The following SLC8A3 variants were observed in gnomAD, a reference collection of about 807,000 sequenced individuals.
The protein encoded by SLC8A3 is solute carrier family 8 member A3.
In SLC8A3, 37 loss-of-function variants were observed where a neutral mutation model predicts 65.4. That is an observed-to-expected ratio of 0.57 (90% confidence interval 0.44 to 0.74). The LOEUF (loss-of-function observed/expected upper bound fraction) is 0.74, where lower values mean the gene tolerates loss of function less well. Ranked by LOEUF, SLC8A3 falls within the 30% of genes least tolerant of loss-of-function variation. SLC8A3 has a pLI of 0.00. For synonymous variants in SLC8A3, 461 were observed against 444.5 expected, an observed-to-expected ratio of 1.04 and a Z score of -0.47; for missense variants, 1,112 against 1,172.1, an observed-to-expected ratio of 0.95 and a Z score of 0.75.
At chr14:70,098,436 A>G (rs1388394342) in intron 2 of SLC8A3, among the ~76,000 whole-genome samples, 1 of 152,232 alleles carries the variant, frequency 6.6e-6, no homozygotes, top group Non-Finnish European at 1.5e-5. Flanking sequence ...TGCAGATTTA[A>G]TGAGGCTTCC....
At chr14:70,083,855 A>G (rs1319949030) in intron 2 of SLC8A3, among the ~76,000 whole-genome samples, 3 of 152,212 alleles carry the variant, frequency 2.0e-5, no homozygotes, top group Non-Finnish European at 2.9e-5. Flanking sequence ...GTCTTTGAGC[A>G]TTACCCAATC....
At chr14:70,101,070 T>C (rs1892520305) in intron 2 of SLC8A3, among the ~76,000 whole-genome samples, 1 of 152,224 alleles carries the variant, frequency 6.6e-6, no homozygotes, top group African/African-American at 2.4e-5. Context: ...ATTTATTCAA[T>C]AGGTACATAC....
intron 4 of SLC8A3, among the ~76,000 whole-genome samples, chr14:70,051,733 A>G (rs1294447118): frequency 6.6e-6 from 1 of 152,224 alleles, no homozygotes; most frequent in Non-Finnish European, 1.5e-5. Context: ...AACAATAATG[A>G]TAATACATCT....
At chr14:70,081,251 G>A (rs939618975) in intron 2 of SLC8A3, among the ~76,000 whole-genome samples, 2 of 152,106 alleles carry the variant, frequency 1.3e-5, no homozygotes, top group African/African-American at 2.4e-5. Context: ...GAAACATCTG[G>A]TATAATTGTA....
intron 2 of SLC8A3, among the ~76,000 whole-genome samples, chr14:70,132,529 G>A (rs1157673631): frequency 6.6e-6 from 1 of 152,178 alleles, no homozygotes; most frequent in Non-Finnish European, 1.5e-5. Flanking sequence ...GTGCGGGCAT[G>A]GTGGGCAAGC....
At position 70,160,540 on chromosome 14, in the gene SLC8A3, C is replaced by T. The variant is rs145983728; in HGVS notation, c.1784+6099G>A. On this transcript the variant is annotated intron_variant, in intron 2 of 6. Transcript: ENST00000356921. ...AGCATCTGAGGATTTTTGGTATCCT[C>T]GGAGTAGTTCTGGAATCAATCTCTT... Among the ~76,000 whole-genome samples the T allele has an allele frequency of 2.8e-4, 42 of 152,228 alleles. No homozygotes were observed. In the East Asian group the frequency reaches 6.4e-3, roughly 23 times the overall value.
chr14:70,138,558 A>G (rs1381458714), intron 2 of SLC8A3, among the ~76,000 whole-genome samples: 1 of 152,144 alleles, frequency 6.6e-6, no homozygotes, highest in African/African-American at 2.4e-5. Context: ...TTCTCCCACC[A>G]TTGCATCAAC....
At chr14:70,149,361 A>G (rs1896121864) in intron 2 of SLC8A3, among the ~76,000 whole-genome samples, 1 of 152,188 alleles carries the variant, frequency 6.6e-6, no homozygotes, top group Non-Finnish European at 1.5e-5. Context: ...CACCATCCAC[A>G]GCACTATGGG....
At chr14:70,090,519 A>G (rs1299937622) in intron 2 of SLC8A3, among the ~76,000 whole-genome samples, 2 of 152,206 alleles carry the variant, frequency 1.3e-5, no homozygotes, top group Non-Finnish European at 1.5e-5. Context: ...TTGATTTAGT[A>G]AAGTCACAAT....
intron 1 of SLC8A3, among the ~76,000 whole-genome samples, chr14:70,181,818 A>G (rs1882774838): frequency 6.6e-6 from 1 of 152,204 alleles, no homozygotes; most frequent in South Asian, 2.1e-4. Context: ...TAGGAGGTGA[A>G]TCTTGTAACT....
intron 1 of SLC8A3, among the ~76,000 whole-genome samples, chr14:70,185,404 T>C (rs1883116867): frequency 6.6e-6 from 1 of 152,164 alleles, no homozygotes; most frequent in Non-Finnish European, 1.5e-5. Context: ...CCATAAGTAA[T>C]ATCAACAACT....
At chr14:70,150,660 C>A (rs563288140) in intron 2 of SLC8A3, among the ~76,000 whole-genome samples, 6 of 152,264 alleles carry the variant, frequency 3.9e-5, no homozygotes, top group African/African-American at 1.4e-4. Flanking sequence ...TTCAGCTGTG[C>A]CCCAGCCAGG....
chr14:70,159,549 G>A (rs1896764165), intron 2 of SLC8A3, among the ~76,000 whole-genome samples: 1 of 152,166 alleles, frequency 6.6e-6, no homozygotes, highest in Admixed American at 6.5e-5. Context: ...GAAGGAATGA[G>A]TGTTCATGTC....
chr14:70,049,494 T>C (rs1364160975), intron 5 of SLC8A3, among the ~76,000 whole-genome samples: 2 of 151,854 alleles, frequency 1.3e-5, no homozygotes, highest in Non-Finnish European at 2.9e-5. Flanking sequence ...GGGTGAGGGA[T>C]AGGGGAGGGA....
At chr14:70,089,084 C>T (rs1290690930) in intron 2 of SLC8A3, among the ~76,000 whole-genome samples, 1 of 152,200 alleles carries the variant, frequency 6.6e-6, no homozygotes, top group Non-Finnish European at 1.5e-5. Flanking sequence ...GCTCTTCCTT[C>T]CCTCCAAATT....
chr14:70,100,138 G>T (rs1198680937), intron 2 of SLC8A3, among the ~76,000 whole-genome samples: 2 of 152,218 alleles, frequency 1.3e-5, no homozygotes, highest in Non-Finnish European at 1.5e-5. Context: ...AAGCCCTGAA[G>T]AAACACTAGC....
chr14:70,066,697 G>A (rs1594923987), intron 2 of SLC8A3, among the ~76,000 whole-genome samples: 1 of 152,308 alleles, frequency 6.6e-6, no homozygotes, highest in Non-Finnish European at 1.5e-5. Flanking sequence ...TGTAATCCCA[G>A]CTACTTGGGA....
chr14:70,155,608 A>G (rs933044927), intron 2 of SLC8A3, among the ~76,000 whole-genome samples: 2 of 152,250 alleles, frequency 1.3e-5, no homozygotes, highest in African/African-American at 2.4e-5. Flanking sequence ...ACATCTTTAA[A>G]AGTGGAATTC....
chr14:70,101,411 G>A (rs1892541442), intron 2 of SLC8A3, among the ~76,000 whole-genome samples: 1 of 152,128 alleles, frequency 6.6e-6, no homozygotes, highest in South Asian at 2.1e-4. Flanking sequence ...AAAAAACCTG[G>A]TGGTAGAAGT....
Sources: gnomAD v4.1 joint callset for allele counts (sites outside exome capture counted in the v4.1 genomes callset) on GRCh38, gnomAD v4.1.1 for gene constraint, MANE v1.5 for transcripts, NCBI Gene and HGNC (gene_info 2026-07-23, HGNC 2026-07-21) for gene names.